Variants in CFHR4 observed in about 807,000 individuals in gnomAD.
The protein encoded by CFHR4 is complement factor H-related protein 4.
Under a neutral mutation model 69.3 loss-of-function variants are expected in CFHR4, and 64 were observed. The ratio of observed to expected loss-of-function variants is 0.92; its 90% CI spans 0.76 to 1.14. The LOEUF (loss-of-function observed/expected upper bound fraction) is 1.14. Among genes scored for constraint, CFHR4 ranks in the 50% most tolerant of loss-of-function variants. The pLI is 0.00. For synonymous variants in CFHR4, 244 were observed against 237.0 expected (o/e 1.03, Z -0.27); for missense variants, 636 against 684.9 (o/e 0.93, Z 0.80).
At chr1:196,888,240 C>T (rs750760589) in intron 1 of CFHR4, 32 bp downstream of exon 1, 1 of 1,603,458 alleles carries the variant, frequency 6.2e-7, no homozygotes, top group Admixed American at 1.7e-5. Flanking sequence ...CACTCAGCTT[C>T]CCTCTTAAAT....
rs544181542 is a variant in CFHR4 at position 196,907,457 on chromosome 1, C to T, written c.758C>T (p.Thr253Ile). 49 of 1,611,904 alleles carry T rather than the reference C, an allele frequency of 3.0e-5. 1 individual carries two copies. The South Asian group carries it at 4.8e-4, about 16-fold the overall frequency. ...YYELQGSKYVTCSNGDWSEPP... is the reference protein window; with the variant it reads ...YYELQGSKYVICSNGDWSEPP... ...GAACTTCAGGGTTCTAAATATGTAA[C>T]ATGTAGTAATGGAGACTGGTCAGAA... Residue 253 changes from threonine (T) to isoleucine (I), a missense_variant, in exon 5 of 10, where the codon ACA (threonine) becomes ATA (isoleucine). By Grantham distance (89) the Thr-to-Ile change is moderately conservative (BLOSUM62 -1). Coordinates refer to ENST00000608469, the MANE Select transcript of CFHR4 (RefSeq NM_001201550.3).
intron 1 of CFHR4, 80 bp downstream of exon 1, chr1:196,888,288 T>G: frequency 7.1e-7 from 1 of 1,405,834 alleles, no homozygotes; most frequent in East Asian, 2.3e-5. Context: ...ATGTCTATAA[T>G]TTTTTTATAA....
intron 1 of CFHR4, among the ~76,000 whole-genome samples, chr1:196,895,402 T>G (rs1657244327): frequency 6.6e-6 from 1 of 151,562 alleles, no homozygotes; most frequent in Non-Finnish European, 1.5e-5. Flanking sequence ...CGAAATCCAC[T>G]TTGTGTGTGT....
Position 196,902,511 on chromosome 1 carries a change from C to T in CFHR4, c.152C>T (p.Ser51Phe), listed in dbSNP as rs1291256909. The T allele has an allele frequency of 6.2e-7, 1 of 1,610,918 alleles. No individual in the cohort carries two copies. Among genetic ancestry groups the T allele is most frequent in the East Asian group, 2.2e-5 (1 of 44,800 alleles). Residue 51 changes from serine to phenylalanine, a missense_variant, in exon 2 of 10, where the codon TCT becomes TTT. Ser to Phe is a radical substitution (Grantham distance 155, BLOSUM62 -2). This residue lies in a region of CFHR4 where 529 missense variants were observed against 533.2 expected (regional missense o/e 0.99). Transcript: ENST00000608469. ...TACTTTCCAGCAGCTGCAGGACAATCTTATTCCTATTACTGTGATCAAAAT... is the reference window on the plus strand; with the variant it reads ...TACTTTCCAGCAGCTGCAGGACAATTTTATTCCTATTACTGTGATCAAAAT... ...RLYFPAAAGQSYSYYCDQNFV... is the reference protein window; with the variant it reads ...RLYFPAAAGQFYSYYCDQNFV...
chr1:196,902,912 T>A (rs1558242360), intron 2 of CFHR4, among the ~76,000 whole-genome samples: 1 of 151,510 alleles, frequency 6.6e-6, no homozygotes, highest in Non-Finnish European at 1.5e-5. Flanking sequence ...GTAGCTTTAG[T>A]TTTTCTTGAG....
chr1:196,901,628 T>A (rs1229848740), intron 1 of CFHR4, among the ~76,000 whole-genome samples: 1 of 151,168 alleles, frequency 6.6e-6, no homozygotes, highest in Non-Finnish European at 1.5e-5. Context: ...CTCCGAATCA[T>A]CCCATGGAAA....
At chr1:196,902,744 C>G in intron 2 of CFHR4, 129 bp downstream of exon 2, 1 of 632,972 alleles carries the variant, frequency 1.6e-6, no homozygotes, top group Non-Finnish European at 2.6e-6. Flanking sequence ...GCAAAAAGAC[C>G]AAAATGGATC....
rs773794740 is a variant in CFHR4 at position 196,906,866 on chromosome 1, T to C, written c.445T>C (p.Cys149Arg). 1.3e-6 allele frequency: 2 copies of C among 1,599,970 alleles called. No individual in the cohort carries two copies. The highest frequency in any genetic ancestry group is 1.7e-6 in the Non-Finnish European group (2 of 1,174,680). ...WSTQPICIKF[C>R]DMPVFENSRA... ...TCAATTTTATTTTGTTTCAGAATTT[T>C]GTGATATGCCTGTTTTTGAGAATTC... The change falls in exon 4 of 10, where the codon TGT (cysteine) becomes CGT (arginine). Residue 149 changes from cysteine (C) to arginine (R), a missense_variant. By Grantham distance (180) the Cys-to-Arg change is radical (BLOSUM62 -3). This residue lies in a region of CFHR4 where 529 missense variants were observed against 533.2 expected (regional missense o/e 0.99). Coordinates refer to ENST00000608469, the MANE Select transcript of CFHR4 (RefSeq NM_001201550.3).
chr1:196,893,582 C>T lies in CFHR4; in HGVS notation c.58+5374C>T, dbSNP rs114900760. 9.4e-3 allele frequency among the ~76,000 whole-genome samples: 1,425 copies of T among 151,584 alleles called. 69 individuals are homozygous for T. The highest frequency in any genetic ancestry group is 0.032 in the African/African-American group (1,331 of 41,176). ...TTTCTTTTAATTTTTGACTTAAGCTCACAAGCAGTTCCTTGGAAAATATAT... is the reference window on the plus strand; with the variant it reads ...TTTCTTTTAATTTTTGACTTAAGCTTACAAGCAGTTCCTTGGAAAATATAT... On this transcript the variant is annotated intron_variant, in intron 1 of 9. Coordinates refer to ENST00000608469, the MANE Select transcript of CFHR4 (RefSeq NM_001201550.3).
At chr1:196,910,138 C>T (rs1326962091) in intron 5 of CFHR4, 143 bp from the exon 6 acceptor site, 32 of 537,216 alleles carry the variant, frequency 6.0e-5, no homozygotes, top group African/African-American at 2.5e-4. Context: ...GGAGACAGAG[C>T]GAAATTTCAT....
chr1:196,899,977 C>T (rs1022724365), intron 1 of CFHR4, among the ~76,000 whole-genome samples: 1 of 151,516 alleles, frequency 6.6e-6, no homozygotes, highest in Non-Finnish European at 1.5e-5. Context: ...AAATGAAATG[C>T]TACAGCAGAT....
chr1:196,909,497 G>A (rs745730565), intron 5 of CFHR4, among the ~76,000 whole-genome samples: 3 of 151,458 alleles, frequency 2.0e-5, no homozygotes, highest in Non-Finnish European at 4.4e-5. Context: ...GCCCCTGAAT[G>A]TATTGAAGAG....
chr1:196,889,492 TAAGAA>T (rs1416147486), intron 1 of CFHR4, among the ~76,000 whole-genome samples: 6 of 151,570 alleles, frequency 4.0e-5, no homozygotes, highest in Non-Finnish European at 7.4e-5. Flanking sequence ...AAAAGCAGTA[TAAGAA>T]AAGAATGCTG....
intron 6 of CFHR4, among the ~76,000 whole-genome samples, chr1:196,911,787 A>C (rs940950789): frequency 1.1e-4 from 16 of 151,458 alleles, no homozygotes; most frequent in Non-Finnish European, 2.1e-4. Context: ...CCACCTAATA[A>C]ATATTGTTGT....
chr1:196,909,809 C>T (rs1199009249), intron 5 of CFHR4, among the ~76,000 whole-genome samples: 1 of 151,058 alleles, frequency 6.6e-6, no homozygotes, highest in Non-Finnish European at 1.5e-5. Flanking sequence ...ACATCCTACA[C>T]ATGTATCCAG....
At chr1:196,912,944 A>G (rs1441758283) in intron 7 of CFHR4, 22 bp downstream of exon 7, 3 of 1,610,704 alleles carry the variant, frequency 1.9e-6, no homozygotes, top group South Asian at 2.2e-5. Flanking sequence ...ACATATTCCC[A>G]TTCAGTTTCT....
In CFHR4 at chr1:196,907,990, T is replaced by C. The variant is rs987211908; in HGVS notation, c.799+492T>C. ...CTATGCAGCCATAAAAATGGATACG[T>C]TCATGTCCATGTCAAAAGTGACATG... On this transcript the variant is annotated intron_variant, in intron 5 of 9. Coordinates refer to ENST00000608469, the MANE Select transcript of CFHR4 (RefSeq NM_001201550.3). Among the ~76,000 whole-genome samples, 10 of 151,056 alleles carry C rather than the reference T, an allele frequency of 6.6e-5. 1 individual carries two copies. Among genetic ancestry groups the C allele is most frequent in the African/African-American group, 2.4e-4 (10 of 40,894 alleles).
intron 6 of CFHR4, 54 bp from the exon 7 acceptor site, chr1:196,912,686 A>T (rs189488790): frequency 1.4e-6 from 2 of 1,481,160 alleles, no homozygotes; most frequent in East Asian, 4.8e-5. Flanking sequence ...GTTCCCTCCT[A>T]TAAAAGAAGT....
chr1:196,891,737 A>G (rs772390395), intron 1 of CFHR4, among the ~76,000 whole-genome samples: 6 of 151,534 alleles, frequency 4.0e-5, no homozygotes, highest in Non-Finnish European at 8.8e-5. Flanking sequence ...ATTATAAAGA[A>G]ACATAAATTA....
Sources: gnomAD v4.1 joint callset for allele counts (sites outside exome capture counted in the v4.1 genomes callset) on GRCh38, gnomAD v4.1.1 for gene constraint, gnomAD v4.1.1 regional missense constraint, MANE v1.5 for transcripts, NCBI Gene and HGNC (gene_info 2026-07-23, HGNC 2026-07-21) for gene names.